The following ROBO1 variants were observed in gnomAD, a reference collection of about 807,000 sequenced individuals.
The protein encoded by ROBO1 is roundabout guidance receptor 1.
In ROBO1, 149 loss-of-function variants were observed where a neutral mutation model predicts 195.9. The ratio of observed to expected loss-of-function variants is 0.76; its 90% CI spans 0.67 to 0.87. The LOEUF (loss-of-function observed/expected upper bound fraction) is 0.87, where lower values mean the gene tolerates loss of function less well. Ranked by LOEUF, ROBO1 falls within the 40% of genes least tolerant of loss-of-function variation. The pLI, the probability that ROBO1 is intolerant of heterozygous loss-of-function variation, is 0.00. For missense variants in ROBO1, 1,933 were observed against 2,068.3 expected (o/e 0.93, Z 1.27); for synonymous variants, 816 against 733.2 (o/e 1.11, Z -1.82).
chr3:78,794,533 G>A (rs2084126519), intron 4 of ROBO1, among the ~76,000 whole-genome samples: 1 of 152,168 alleles, frequency 6.6e-6, no homozygotes, highest in South Asian at 2.1e-4. Context: ...AGGATGTAGA[G>A]TGTTGAATGG....
intron 3 of ROBO1, among the ~76,000 whole-genome samples, chr3:78,980,914 C>G (rs754541475): frequency 6.6e-6 from 1 of 152,078 alleles, no homozygotes; most frequent in Non-Finnish European, 1.5e-5. Context: ...TTAATTTAAA[C>G]TATAAACTAC....
intron 2 of ROBO1, among the ~76,000 whole-genome samples, chr3:79,576,202 T>C (rs1943481024): frequency 6.6e-6 from 1 of 152,000 alleles, no homozygotes; most frequent in Admixed American, 6.6e-5. Context: ...ATATTTATAT[T>C]CATTAACCAC....
intron 4 of ROBO1, among the ~76,000 whole-genome samples, chr3:78,750,493 AT>A (rs2082764819): frequency 6.7e-6 from 1 of 148,696 alleles, no homozygotes; most frequent in African/African-American, 2.5e-5. Context: ...AAATAAATAA[AT>A]AAATAAAATA....
chr3:78,991,714 T>C (rs757959896), intron 3 of ROBO1, among the ~76,000 whole-genome samples: 11 of 152,128 alleles, frequency 7.2e-5, no homozygotes, highest in Non-Finnish European at 1.5e-4. Context: ...GAATCAGTTG[T>C]AACACAAAAA....
chr3:78,944,814 T>A (rs1476697829), intron 3 of ROBO1, among the ~76,000 whole-genome samples: 1 of 152,142 alleles, frequency 6.6e-6, no homozygotes, highest in African/African-American at 2.4e-5. Context: ...ACTCCCACCC[T>A]AATACTGCGC....
chr3:78,815,102 T>C (rs1272668954), intron 4 of ROBO1, among the ~76,000 whole-genome samples: 1 of 152,100 alleles, frequency 6.6e-6, no homozygotes, highest in Non-Finnish European at 1.5e-5. Flanking sequence ...TTTGCCCTTA[T>C]CTCTTTCCTC....
At chr3:79,437,255 G>T (rs1339003185) in intron 2 of ROBO1, among the ~76,000 whole-genome samples, 8 of 151,874 alleles carry the variant, frequency 5.3e-5, no homozygotes. Context: ...GTAAATCAGG[G>T]GTCAATGACC....
intron 2 of ROBO1, among the ~76,000 whole-genome samples, chr3:79,566,365 AT>A (rs1332324032): frequency 6.6e-6 from 1 of 152,066 alleles, no homozygotes; most frequent in East Asian, 1.9e-4. Flanking sequence ...ATAAATTATA[AT>A]TTGCATTTAT....
chr3:79,185,683 T>C (rs527791122), intron 2 of ROBO1, among the ~76,000 whole-genome samples: 2 of 152,248 alleles, frequency 1.3e-5, no homozygotes, highest in South Asian at 4.1e-4. Context: ...ATTGTAAAAC[T>C]TGAAATTAAT....
intron 2 of ROBO1, among the ~76,000 whole-genome samples, chr3:79,520,638 GAGAC>G (rs1045908743): frequency 6.6e-6 from 1 of 152,172 alleles, no homozygotes; most frequent in African/African-American, 2.4e-5. Context: ...CATATCTTAT[GAGAC>G]AGCTTTTTAA....
intron 2 of ROBO1, among the ~76,000 whole-genome samples, chr3:79,213,911 T>A (rs1210512039): frequency 6.8e-6 from 1 of 147,474 alleles, no homozygotes; most frequent in Non-Finnish European, 1.5e-5. Flanking sequence ...CTGCAACCTC[T>A]GCCTCCCGGG....
chr3:78,682,556 G>A (rs2080946575), intron 10 of ROBO1, among the ~76,000 whole-genome samples: 1 of 147,008 alleles, frequency 6.8e-6, no homozygotes, highest in Admixed American at 6.9e-5. Context: ...ATATATGTGT[G>A]TATATGTGTA....
intron 4 of ROBO1, among the ~76,000 whole-genome samples, chr3:78,905,804 G>A (rs886727451): frequency 2.6e-5 from 4 of 152,024 alleles, no homozygotes; most frequent in African/African-American, 7.2e-5. Context: ...AAGGAAGTAC[G>A]ATTACTCATT....
In ROBO1 at chr3:78,808,638, A is replaced by G. The variant is rs567915445; in HGVS notation, c.500-61738T>C. Among the ~76,000 whole-genome samples the G allele has an allele frequency of 1.1e-3, 168 of 152,342 alleles. 1 individual carries two copies. The highest frequency in any genetic ancestry group is 2.1e-3 in the Non-Finnish European group (145 of 68,030). On this transcript the variant is annotated intron_variant, in intron 4 of 30. Transcript: ENST00000464233. ...AAGAGATGCAAATGTCATAGCTTCA[A>G]TGGCTTAAATTATACTGTTAAAAGC...
intron 3 of ROBO1, among the ~76,000 whole-genome samples, chr3:79,007,616 G>C (rs1388015128): frequency 6.6e-6 from 1 of 152,086 alleles, no homozygotes; most frequent in African/African-American, 2.4e-5. Flanking sequence ...TCTCCATTTG[G>C]TTGAAGCATG....
At chr3:78,725,469 C>T (rs1306218579) in intron 5 of ROBO1, among the ~76,000 whole-genome samples, 3 of 152,098 alleles carry the variant, frequency 2.0e-5, no homozygotes, top group Non-Finnish European at 4.4e-5. Context: ...CTGTAAAAAA[C>T]TAGAAATGAC....
intron 10 of ROBO1, among the ~76,000 whole-genome samples, chr3:78,671,528 G>C (rs1166303065): frequency 6.6e-6 from 1 of 151,634 alleles, no homozygotes; most frequent in Admixed American, 6.6e-5. Flanking sequence ...ATTTTCACAA[G>C]CTGGAGTCAC....
intron 2 of ROBO1, among the ~76,000 whole-genome samples, chr3:79,550,150 A>G (rs1942424727): frequency 1.8e-5 from 2 of 109,948 alleles, no homozygotes; most frequent in Admixed American, 1.7e-4. Flanking sequence ...ACAAAAAGAA[A>G]GGAAGAAAGA....
At chr3:78,858,201 G>A (rs541464089) in intron 4 of ROBO1, among the ~76,000 whole-genome samples, 18 of 152,158 alleles carry the variant, frequency 1.2e-4, no homozygotes, top group African/African-American at 2.9e-4. Flanking sequence ...AGGAACAACC[G>A]GGGACAGTCA....
Sources: gnomAD v4.1 joint callset for allele counts (sites outside exome capture counted in the v4.1 genomes callset) on GRCh38, gnomAD v4.1.1 for gene constraint, MANE v1.5 for transcripts, NCBI Gene and HGNC (gene_info 2026-07-23, HGNC 2026-07-21) for gene names.